Variants in C8orf34 observed in about 807,000 individuals in gnomAD.
C8orf34 encodes the protein uncharacterized protein C8orf34.
Under a neutral mutation model 68.3 loss-of-function variants are expected in C8orf34, and 65 were observed. The observed-to-expected ratio is 0.95, with a 90% CI of 0.78 to 1.17. The LOEUF (loss-of-function observed/expected upper bound fraction) is 1.17, where lower values mean the gene tolerates loss of function less well. Among genes scored for constraint, C8orf34 ranks in the 50% most tolerant of loss-of-function variants. The pLI is 0.00. For synonymous variants in C8orf34, 244 were observed against 241.2 expected (o/e 1.01, Z -0.11); for missense variants, 664 against 655.4 (o/e 1.01, Z -0.14).
intron 10 of C8orf34, among the ~76,000 whole-genome samples, chr8:68,754,035 G>T (rs1051666915): frequency 2.0e-5 from 3 of 151,954 alleles, no homozygotes; most frequent in Non-Finnish European, 2.9e-5. Context: ...AGTATCTGTA[G>T]TTGATGTCTA....
rs61152394 is a variant in C8orf34 at position 68,335,234 on chromosome 8, C to G, written c.327+3895C>G. Among the ~76,000 whole-genome samples, 1,211 of 151,994 alleles carry G rather than the reference C, an allele frequency of 8.0e-3. 40 individuals carry two copies. The East Asian group carries it at 0.1, about 13-fold the overall frequency. On this transcript the variant is annotated intron_variant, in intron 1 of 13. Coordinates refer to ENST00000518698, the MANE Select transcript of C8orf34 (RefSeq NM_052958.4). ...CACTTATGGCCAGAGGTAAAATACC[C>G]CTCCAGAAAGATATTTTAATGTTTA...
intron 7 of C8orf34, among the ~76,000 whole-genome samples, chr8:68,626,421 A>G (rs146130615): frequency 2.0e-5 from 3 of 152,354 alleles, no homozygotes; most frequent in South Asian, 2.1e-4. Flanking sequence ...GACAGAGTCA[A>G]CTTTACTAAT....
Position 68,466,763 on chromosome 8 carries a change from A to G in C8orf34, c.608-1929A>G, listed in dbSNP as rs568723314. ...CATATATATATATATATATATATATATAGATGCTTTCATTTCTTTATGATG... is the reference window on the plus strand; with the variant it reads ...CATATATATATATATATATATATATGTAGATGCTTTCATTTCTTTATGATG... On this transcript the variant is annotated intron_variant, in intron 3 of 13. Coordinates refer to ENST00000518698, the MANE Select transcript of C8orf34 (RefSeq NM_052958.4). Among the ~76,000 whole-genome samples, 23 of 146,026 alleles carry G rather than the reference A, an allele frequency of 1.6e-4. 1 individual carries two copies. The highest frequency in any genetic ancestry group is 5.6e-4 in the African/African-American group (22 of 39,158).
chr8:68,706,795 G>T (rs1360217409), intron 8 of C8orf34, among the ~76,000 whole-genome samples: 1 of 152,180 alleles, frequency 6.6e-6, no homozygotes, highest in East Asian at 1.9e-4. Context: ...CCTGACCCAA[G>T]TTGTTGCAGG....
chr8:68,658,144 T>G (rs1819562666), intron 8 of C8orf34, among the ~76,000 whole-genome samples: 1 of 152,096 alleles, frequency 6.6e-6, no homozygotes. Context: ...AGTTAAGAGG[T>G]TTTATCATTT....
At chr8:68,374,553 G>A (rs920157898) in intron 1 of C8orf34, among the ~76,000 whole-genome samples, 2 of 152,066 alleles carry the variant, frequency 1.3e-5, no homozygotes, top group African/African-American at 4.8e-5. Context: ...ATTATTCAAC[G>A]CAAGCTTTGA....
chr8:68,529,977 T>C (rs1358373594), intron 6 of C8orf34, among the ~76,000 whole-genome samples: 2 of 152,086 alleles, frequency 1.3e-5, no homozygotes, highest in African/African-American at 4.8e-5. Context: ...TGTGAATTAT[T>C]ATTTAACTCC....
chr8:68,464,836 C>G (rs1184738636), intron 3 of C8orf34, among the ~76,000 whole-genome samples: 1 of 152,020 alleles, frequency 6.6e-6, no homozygotes, highest in East Asian at 1.9e-4. Context: ...AGACCTAAAA[C>G]CATAAAAACC....
intron 4 of C8orf34, among the ~76,000 whole-genome samples, chr8:68,472,628 G>T (rs1204647505): frequency 6.6e-6 from 1 of 152,092 alleles, no homozygotes; most frequent in Non-Finnish European, 1.5e-5. Context: ...CTTATAGCAT[G>T]CTTCAGCTAA....
chr8:68,753,924 T>C lies in C8orf34; in HGVS notation c.1405-22475T>C, dbSNP rs558357418. 1.4e-3 allele frequency among the ~76,000 whole-genome samples: 214 copies of C among 152,276 alleles called. 1 individual carries two copies. Among genetic ancestry groups the C allele is most frequent in the African/African-American group, 4.2e-3 (176 of 41,560 alleles). ...TGGCCAGGAATAGAGTCACAGTCAT[T>C]GGTGCCAAGCCCTTTCAGTGGCTGC... On this transcript the variant is annotated intron_variant, in intron 10 of 13. Coordinates refer to ENST00000518698, the MANE Select transcript of C8orf34 (RefSeq NM_052958.4).
chr8:68,427,153 C>T (rs978985054), intron 1 of C8orf34, among the ~76,000 whole-genome samples: 1 of 151,974 alleles, frequency 6.6e-6, no homozygotes, highest in African/African-American at 2.4e-5. Flanking sequence ...CTAAAAATGG[C>T]CCTAACATGT....
intron 7 of C8orf34, among the ~76,000 whole-genome samples, chr8:68,607,581 G>A (rs1486030881): frequency 2.0e-5 from 3 of 152,120 alleles, no homozygotes; most frequent in Non-Finnish European, 2.9e-5. Context: ...GGTACTGGGA[G>A]TTAGGACTTC....
At chr8:68,485,029 T>C (rs1813015656) in intron 4 of C8orf34, among the ~76,000 whole-genome samples, 1 of 152,250 alleles carries the variant, frequency 6.6e-6, no homozygotes. Context: ...TCCATTTAGC[T>C]AGTTTGAGTT....
intron 1 of C8orf34, among the ~76,000 whole-genome samples, chr8:68,341,140 C>A (rs1472247039): frequency 6.6e-6 from 1 of 152,140 alleles, no homozygotes; most frequent in Non-Finnish European, 1.5e-5. Flanking sequence ...AGGTGCCTGG[C>A]AGATTTGGTG....
Position 68,625,560 on chromosome 8 carries a change from C to A in C8orf34, c.1106-14816C>A, listed in dbSNP as rs1211557476. The A allele has an allele frequency of 7.2e-6, 5 of 696,662 alleles. No individual in the cohort carries two copies. The East Asian group carries it at 1.1e-4, about 15-fold the overall frequency. The allele number at this position is 696,662 out of a possible 1,614,324, so 43.2% of individuals were successfully genotyped here. A position where few individuals can be genotyped will look rare whatever the true frequency, so the allele number is the denominator to read the frequency against. On this transcript the variant is annotated intron_variant, in intron 7 of 13. Transcript: ENST00000518698. ...AGGGATGAGAACAGCATGTGAATTC[C>A]AAGAAAGCAACACAGAATGGAAAAT...
chr8:68,583,210 T>A (rs1817116599), intron 7 of C8orf34, among the ~76,000 whole-genome samples: 1 of 151,988 alleles, frequency 6.6e-6, no homozygotes, highest in African/African-American at 2.4e-5. Flanking sequence ...CATATTCTTA[T>A]CTCCTACAGC....
intron 1 of C8orf34, among the ~76,000 whole-genome samples, chr8:68,427,500 A>C (rs2129624396): frequency 6.6e-6 from 1 of 152,336 alleles, no homozygotes; most frequent in East Asian, 1.9e-4. Context: ...ATCTAGCTAT[A>C]GAGATGGAGA....
intron 1 of C8orf34, among the ~76,000 whole-genome samples, chr8:68,399,915 G>T (rs907433663): frequency 6.6e-6 from 1 of 152,116 alleles, no homozygotes; most frequent in Non-Finnish European, 1.5e-5. Context: ...GATGATTGAT[G>T]ATGAGCATTT....
At chr8:68,462,538 G>T (rs1811889963) in intron 3 of C8orf34, among the ~76,000 whole-genome samples, 1 of 151,458 alleles carries the variant, frequency 6.6e-6, no homozygotes. Flanking sequence ...CACATAGTTG[G>T]AAGTAAAGCT....
Sources: allele counts gnomAD v4.1 joint callset (sites outside exome capture counted in the v4.1 genomes callset), GRCh38; gene constraint gnomAD v4.1.1; transcripts MANE v1.5; gene names NCBI Gene and HGNC (gene_info 2026-07-23, HGNC 2026-07-21).